UBR4: variants seen among roughly 807,000 people sequenced by gnomAD.
The protein encoded by UBR4 is ubiquitin protein ligase E3 component n-recognin 4.
UBR4 carries 124 observed loss-of-function variants against 575.6 expected under a neutral mutation model. The ratio of observed to expected loss-of-function variants is 0.22; its 90% CI spans 0.19 to 0.25. The LOEUF (loss-of-function observed/expected upper bound fraction) is 0.25, where lower values mean the gene tolerates loss of function less well. Ranked by LOEUF, UBR4 falls within the 10% of genes least tolerant of loss-of-function variation. The pLI is 1.00. For missense variants in UBR4, 4,818 were observed against 6,478.8 expected, an observed-to-expected ratio of 0.74 and a Z score of 8.80; for synonymous variants, 2,455 against 2,473.7, an observed-to-expected ratio of 0.99 and a Z score of 0.22.
chr1:19,132,605 T>TTAAAAAAA (rs71577876), intron 60 of UBR4, among the ~76,000 whole-genome samples: 1 of 24,134 alleles, frequency 4.1e-5, no homozygotes, highest in African/African-American at 2.3e-4. Flanking sequence ...TAAAAAATGG[T>TTAAAAAAA]AAAAAAAAAA....
Position 19,129,088 on chromosome 1 carries a change from G to GT in UBR4, c.8907-15_8907-14insA. ...ACCATGTGCAGCCTAAAAGGGTGGG[G>GT]AAAAGATAGAAAATATGAGCTGTAC... On this transcript the variant is annotated splice_polypyrimidine_tract_variant and intron_variant, in intron 60 of 105. Coordinates refer to ENST00000375254, the MANE Select transcript of UBR4 (RefSeq NM_020765.3). The GT allele has an allele frequency of 1.2e-6, 2 of 1,609,344 alleles. No homozygotes were observed. The highest frequency in any genetic ancestry group is 1.7e-6 in the Non-Finnish European group (2 of 1,175,826).
At chr1:19,186,160 T>C (rs1330544881) in intron 14 of UBR4, among the ~76,000 whole-genome samples, 1 of 152,178 alleles carries the variant, frequency 6.6e-6, no homozygotes, top group Non-Finnish European at 1.5e-5. Context: ...CCCTAAACTA[T>C]GACTATGATA....
chr1:19,113,868 G>A (rs749613789), intron 76 of UBR4, 41 bp from the exon 77 acceptor site: 14 of 1,614,000 alleles, frequency 8.7e-6, no homozygotes, highest in Non-Finnish European at 1.7e-6. Context: ...CCCCACCTAA[G>A]GTGATCTCAC....
chr1:19,081,610 TGGAA>T, intron 102 of UBR4, 37 bp from the exon 103 acceptor site: 1 of 1,610,028 alleles, frequency 6.2e-7, no homozygotes. Flanking sequence ...AAAAGCAGGG[TGGAA>T]GCAGGACCCG....
chr1:19,128,090 CA>C, intron 62 of UBR4, 120 bp downstream of exon 62: 1 of 943,628 alleles, frequency 1.1e-6, no homozygotes, highest in Non-Finnish European at 1.7e-6. Context: ...CAACAGAATG[CA>C]GCCCTCAGTG....
rs915266766 is a variant in UBR4 at position 19,157,034 on chromosome 1, T to C, written c.5761-109A>G. The C allele has an allele frequency of 1.6e-5, 21 of 1,279,652 alleles. No homozygotes were observed. Among genetic ancestry groups the C allele is most frequent in the Middle Eastern group, 5.3e-4 (2 of 3,740 alleles). The allele number at this position is 1,279,652 out of a possible 1,614,324, so 79.3% of individuals were successfully genotyped here. ...GGATAACAGGTTGCACACTTTTTTCTTTACAGATAAGTCTAGTAGAAAATC... is the reference window on the plus strand; with the variant it reads ...GGATAACAGGTTGCACACTTTTTTCCTTACAGATAAGTCTAGTAGAAAATC... On this transcript the variant is annotated intron_variant, in intron 40 of 105. Coordinates refer to ENST00000375254, the MANE Select transcript of UBR4 (RefSeq NM_020765.3). This position sits in a 1 kb window ranked among gnomAD's most constrained non-coding sequence, Gnocchi z 4.4.
Position 19,187,483 on chromosome 1 carries a change from TA to T in UBR4, c.1451del (p.Leu484GlnfsTer26). 1 of 1,613,954 alleles carries T rather than the reference TA, an allele frequency of 6.2e-7. No homozygotes were observed. The highest frequency in any genetic ancestry group is 8.5e-7 in the Non-Finnish European group (1 of 1,180,002). ...CTTGTAGGTCTTGAAAGAGAGACGTTAGCAGTTTGATGGCATGGTTTGCCAA... is the reference window on the plus strand; with the variant it reads ...CTTGTAGGTCTTGAAAGAGAGACGTTGCAGTTTGATGGCATGGTTTGCCAA... ...VILANHAIKL[L>X]TSLFQDLQVE... On this transcript the variant is annotated frameshift_variant, in exon 12 of 106. Transcript: ENST00000375254. LOFTEE classifies it high-confidence loss of function.
At chr1:19,120,094 A>AT in intron 69 of UBR4, 86 bp downstream of exon 69, 1 of 1,471,918 alleles carries the variant, frequency 6.8e-7, no homozygotes, top group Non-Finnish European at 9.3e-7. Context: ...CTCTGTGACC[A>AT]TATGTAACCG....
chr1:19,107,569 G>C (rs1292150937), intron 81 of UBR4, among the ~76,000 whole-genome samples: 6 of 152,146 alleles, frequency 3.9e-5, no homozygotes, highest in African/African-American at 1.4e-4. Context: ...TGATGCTTTA[G>C]TCCAGGAGTT....
At chr1:19,081,148 C>A in intron 103 of UBR4, 1 of 540,866 alleles carries the variant, frequency 1.8e-6, no homozygotes, top group South Asian at 2.8e-5. Context: ...AGTAGCGGAA[C>A]AGAAAACCCA....
In UBR4 at chr1:19,161,942, T is replaced by C. The variant is rs776132064; in HGVS notation, c.4957-45A>G. On this transcript the variant is annotated intron_variant, in intron 35 of 105. Transcript: ENST00000375254. ...TTTTAATTCGAAATATATCCCTGCA[T>C]ATAAACACCCACAAAAACACATGTG... The C allele has an allele frequency of 2.2e-5, 35 of 1,607,256 alleles. No individual in the cohort carries two copies. The Admixed American group carries it at 5.7e-4, about 26-fold the overall frequency.
At chr1:19,144,950 ACT>A in intron 53 of UBR4, 43 bp from the exon 54 acceptor site, 4 of 1,609,478 alleles carry the variant, frequency 2.5e-6, no homozygotes, top group Non-Finnish European at 3.4e-6. Flanking sequence ...GGAGGAAAAA[ACT>A]CTAACTACTT....
chr1:19,198,910 T>C lies in UBR4; in HGVS notation c.397A>G (p.Ile133Val). Residue 133 changes from isoleucine (I) to valine (V), a missense_variant, in exon 4 of 106, where the codon ATC (isoleucine) becomes GTC (valine). Ile to Val is a conservative substitution (Grantham distance 29, BLOSUM62 3). Transcript: ENST00000375254. ...AVSQKHLILL[I>V]KGLCTGCSRL... is the part of the protein sequence containing the mutation. ...CTACAGCCAGTGCACAGGCCCTTGA[T>C]TAGGAGAATCAAGTGTTTCTGAAAA... 3 of 1,614,010 alleles carry C rather than the reference T, an allele frequency of 1.9e-6. No individual in the cohort carries two copies. Among genetic ancestry groups the C allele is most frequent in the Non-Finnish European group, 1.7e-6 (2 of 1,179,962 alleles).
intron 9 of UBR4, 81 bp downstream of exon 9, chr1:19,193,352 C>A: frequency 6.4e-7 from 1 of 1,554,494 alleles, no homozygotes. Flanking sequence ...GTTCTTTCTT[C>A]TATCATGGAA....
intron 75 of UBR4, 111 bp downstream of exon 75, chr1:19,114,700 T>C (rs1381382815): frequency 1.8e-5 from 25 of 1,398,512 alleles, no homozygotes; most frequent in Non-Finnish European, 2.2e-5. Flanking sequence ...GAAACTGGTG[T>C]TGAGTCGAAG....
Position 19,183,728 on chromosome 1 carries a change from A to C in UBR4, c.2184+83T>G, listed in dbSNP as rs1196887826. 9 of 1,394,904 alleles carry C rather than the reference A, an allele frequency of 6.5e-6. No individual in the cohort carries two copies. In the Admixed American group the frequency reaches 1.7e-4, roughly 26 times the overall value. The allele number at this position is 1,394,904 out of a possible 1,614,324, so 86.4% of individuals were successfully genotyped here. ...CAGAGCAAGACTCCATCTCAAAAAAACAAACAAACAAACAATTGGAGCTGC... is the reference window on the plus strand; with the variant it reads ...CAGAGCAAGACTCCATCTCAAAAAACCAAACAAACAAACAATTGGAGCTGC... On this transcript the variant is annotated intron_variant, in intron 17 of 105. Coordinates refer to ENST00000375254, the MANE Select transcript of UBR4 (RefSeq NM_020765.3).
intron 11 of UBR4, among the ~76,000 whole-genome samples, chr1:19,191,931 C>T (rs1008477983): frequency 1.4e-4 from 21 of 152,146 alleles, no homozygotes; most frequent in Non-Finnish European, 4.4e-5. Flanking sequence ...TCATAAAATT[C>T]CTGAAATACA....
intron 83 of UBR4, 131 bp from the exon 84 acceptor site, chr1:19,105,973 G>A: frequency 3.5e-6 from 2 of 566,020 alleles, no homozygotes; most frequent in Non-Finnish European, 6.0e-6. Flanking sequence ...AATGTTAAGA[G>A]GTAAAAATCA....
Position 19,163,884 on chromosome 1 carries a change from A to C in UBR4, c.4701-57T>G, listed in dbSNP as rs539499719. The C allele has an allele frequency of 7.3e-5, 115 of 1,574,472 alleles. 1 individual carries two copies. In the Middle Eastern group the frequency reaches 1.3e-3, roughly 18 times the overall value. On this transcript the variant is annotated intron_variant, in intron 33 of 105. Coordinates refer to ENST00000375254, the MANE Select transcript of UBR4 (RefSeq NM_020765.3). ...GAGACACAAAATCATCGAAGAAACCAACGAAATGAGGCATCTTCATTAACT... is the reference window on the plus strand; with the variant it reads ...GAGACACAAAATCATCGAAGAAACCCACGAAATGAGGCATCTTCATTAACT...
Sources: gnomAD v4.1 joint callset for allele counts (sites outside exome capture counted in the v4.1 genomes callset) on GRCh38, gnomAD v4.1.1 for gene constraint, Gnocchi (gnomAD v3.1) non-coding constraint, MANE v1.5 for transcripts, NCBI Gene and HGNC (gene_info 2026-07-23, HGNC 2026-07-21) for gene names.